The following HS3ST4 variants were observed in gnomAD, a reference collection of about 807,000 sequenced individuals.
HS3ST4 encodes the protein heparan sulfate-glucosamine 3-sulfotransferase 4.
HS3ST4 carries 17 observed loss-of-function variants against 29.2 expected under a neutral mutation model. That is an observed-to-expected ratio of 0.58 (90% CI 0.40 to 0.87). The LOEUF (loss-of-function observed/expected upper bound fraction) is 0.87, where lower values mean the gene tolerates loss of function less well. Among genes scored for constraint, HS3ST4 ranks in the 40% least tolerant of loss-of-function variants. The pLI is 0.00. For synonymous variants in HS3ST4, 314 were observed against 285.7 expected (o/e 1.10, Z -1.00); for missense variants, 627 against 634.5 (o/e 0.99, Z 0.13).
chr16:25,695,433 G>A (rs1421522231), intron 1 of HS3ST4, among the ~76,000 whole-genome samples: 2 of 152,230 alleles, frequency 1.3e-5, no homozygotes, highest in Admixed American at 6.5e-5. Context: ...CACAGGATCT[G>A]AGTGTGCTGG....
intron 1 of HS3ST4, among the ~76,000 whole-genome samples, chr16:26,120,420 A>G (rs1247571082): frequency 6.6e-6 from 1 of 152,230 alleles, no homozygotes; most frequent in Non-Finnish European, 1.5e-5. Context: ...GAAACAGTTC[A>G]AGGACAAGAT....
intron 1 of HS3ST4, among the ~76,000 whole-genome samples, chr16:26,109,820 T>C (rs961634182): frequency 2.0e-5 from 3 of 152,072 alleles, no homozygotes; most frequent in Admixed American, 6.6e-5. Context: ...TCACATACAA[T>C]GTAATTCAAT....
chr16:25,916,432 G>A (rs1195267983), intron 1 of HS3ST4, among the ~76,000 whole-genome samples: 3 of 151,858 alleles, frequency 2.0e-5, no homozygotes, highest in Non-Finnish European at 2.9e-5. Flanking sequence ...GCACTATCTC[G>A]GCTCACTGCA....
At position 25,970,208 on chromosome 16, in the gene HS3ST4, T is replaced by C. The variant is rs562682465; in HGVS notation, c.735-165404T>C. ...GCGATGAATTCTGCAGTTTGCACTC[T>C]GTGTGAATTGCATGGGCTGCATTAC... On this transcript the variant is annotated intron_variant, in intron 1 of 1. Coordinates refer to ENST00000331351, the MANE Select transcript of HS3ST4 (RefSeq NM_006040.3). Among the ~76,000 whole-genome samples the C allele has an allele frequency of 2.6e-5, 4 of 152,368 alleles. No individual in the cohort carries two copies. The South Asian group carries it at 8.3e-4, about 32-fold the overall frequency.
rs113434678 is a variant in HS3ST4 at position 25,884,218 on chromosome 16, A to G, written c.734+191067A>G. Among the ~76,000 whole-genome samples, 560 of 152,318 alleles carry G rather than the reference A, an allele frequency of 3.7e-3. 6 individuals are homozygous for G. The highest frequency in any genetic ancestry group is 0.013 in the African/African-American group (535 of 41,570). ...GAAGGTTCAGTACTCGAGGAAAGTA[A>G]ATAAAAAGGAGATGAATTGAAGGAG... On this transcript the variant is annotated intron_variant, in intron 1 of 1. Transcript: ENST00000331351.
At chr16:26,021,633 C>T (rs1258922662) in intron 1 of HS3ST4, among the ~76,000 whole-genome samples, 2 of 152,026 alleles carry the variant, frequency 1.3e-5, no homozygotes, top group Non-Finnish European at 2.9e-5. Flanking sequence ...CAAACACAAC[C>T]TCTAAGCACT....
intron 1 of HS3ST4, among the ~76,000 whole-genome samples, chr16:26,124,831 G>A (rs1899321102): frequency 6.6e-6 from 1 of 152,226 alleles, no homozygotes; most frequent in Non-Finnish European, 1.5e-5. Flanking sequence ...CCTCATTTGA[G>A]AGAGAAGAAG....
intron 1 of HS3ST4, among the ~76,000 whole-genome samples, chr16:25,718,606 T>G (rs1966473645): frequency 6.6e-6 from 1 of 152,162 alleles, no homozygotes; most frequent in Non-Finnish European, 1.5e-5. Flanking sequence ...TCTAGTTACT[T>G]AAGCCAATAT....
intron 1 of HS3ST4, among the ~76,000 whole-genome samples, chr16:25,960,894 G>A (rs1968787440): frequency 6.6e-6 from 1 of 152,198 alleles, no homozygotes; most frequent in Admixed American, 6.5e-5. Flanking sequence ...GGTAGAAATT[G>A]CTAACTGGAG....
At chr16:25,942,927 G>A (rs1447836402) in intron 1 of HS3ST4, among the ~76,000 whole-genome samples, 2 of 152,114 alleles carry the variant, frequency 1.3e-5, no homozygotes, top group African/African-American at 4.8e-5. Flanking sequence ...CGGCCTGCCT[G>A]TCTTGCTTTT....
chr16:25,881,268 G>T (rs749258859), intron 1 of HS3ST4, among the ~76,000 whole-genome samples: 1 of 151,950 alleles, frequency 6.6e-6, no homozygotes. Context: ...TTGGTTTTTG[G>T]TCTGTCGATA....
chr16:25,805,413 TC>T (rs1385565018), intron 1 of HS3ST4, among the ~76,000 whole-genome samples: 7 of 152,190 alleles, frequency 4.6e-5, no homozygotes, highest in Admixed American at 3.3e-4. Flanking sequence ...AGAAGGAATT[TC>T]TTGTGGGATT....
chr16:26,029,257 G>A (rs1284958258), intron 1 of HS3ST4, among the ~76,000 whole-genome samples: 2 of 152,158 alleles, frequency 1.3e-5, no homozygotes. Context: ...AAACCTGGGG[G>A]CAGGACTGGT....
intron 1 of HS3ST4, among the ~76,000 whole-genome samples, chr16:26,073,833 T>C (rs945371945): frequency 6.6e-6 from 1 of 152,212 alleles, no homozygotes; most frequent in South Asian, 2.1e-4. Flanking sequence ...TGTGTCACTT[T>C]TGGGTGGATG....
At chr16:25,751,558 T>C (rs943887146) in intron 1 of HS3ST4, among the ~76,000 whole-genome samples, 1 of 152,190 alleles carries the variant, frequency 6.6e-6, no homozygotes, top group Non-Finnish European at 1.5e-5. Flanking sequence ...TAATCTGTGT[T>C]TGGAGTCCCC....
intron 1 of HS3ST4, among the ~76,000 whole-genome samples, chr16:25,924,834 T>G (rs528393231): frequency 2.0e-5 from 3 of 152,212 alleles, no homozygotes; most frequent in East Asian, 3.9e-4. Flanking sequence ...TTTTGGATAA[T>G]GAACATCAAG....
intron 1 of HS3ST4, among the ~76,000 whole-genome samples, chr16:25,746,555 G>GTT (rs60752235): frequency 4.9e-4 from 71 of 143,632 alleles, no homozygotes; most frequent in East Asian, 8.0e-4. Context: ...CAATTGGTTG[G>GTT]TTTTTTTTTT....
rs114957905 is a variant in HS3ST4, at chr16:26,041,087, C to T, written c.735-94525C>T. ...GCATGGTGATTCATGCTTATAATCCCACTATTTGGTGAGGCTGAGGTGGGA... is the reference window on the plus strand; with the variant it reads ...GCATGGTGATTCATGCTTATAATCCTACTATTTGGTGAGGCTGAGGTGGGA... On this transcript the variant is annotated intron_variant, in intron 1 of 1. Transcript: ENST00000331351. Among the ~76,000 whole-genome samples the T allele has an allele frequency of 4.2e-3, 633 of 152,254 alleles. 3 individuals carry two copies. The highest frequency in any genetic ancestry group is 0.015 in the African/African-American group (604 of 41,552).
At chr16:26,123,053 CA>C (rs111948307) in intron 1 of HS3ST4, among the ~76,000 whole-genome samples, 12,822 of 122,318 alleles carry the variant, frequency 0.1, 1,651 homozygotes, top group African/African-American at 0.33. Context: ...GACTCTGTCT[CA>C]AAAAAAAAAA....
Sources: gnomAD v4.1 joint callset for allele counts (sites outside exome capture counted in the v4.1 genomes callset) on GRCh38, gnomAD v4.1.1 for gene constraint, MANE v1.5 for transcripts, NCBI Gene and HGNC (gene_info 2026-07-23, HGNC 2026-07-21) for gene names.